The following PDIA5 variants were observed in gnomAD, a reference collection of about 807,000 sequenced individuals.
The protein encoded by PDIA5 is protein disulfide-isomerase A5.
In PDIA5, 58 loss-of-function variants were observed where a neutral mutation model predicts 77.6. The ratio of observed to expected loss-of-function variants is 0.75; its 90% CI spans 0.61 to 0.93. PDIA5 has a LOEUF of 0.93. Ranked by LOEUF, PDIA5 falls within the 40% of genes least tolerant of loss-of-function variation. The probability of loss-of-function intolerance (pLI) is 0.00; values close to 1 mark genes in which losing one functional copy is unlikely to be tolerated. For synonymous variants in PDIA5, 250 were observed against 252.1 expected, an observed-to-expected ratio of 0.99 and a Z score of 0.08; for missense variants, 630 against 647.7, an observed-to-expected ratio of 0.97 and a Z score of 0.30.
At position 123,146,270 on chromosome 3, in the gene PDIA5, C is replaced by G; in HGVS notation, c.1142+11C>G. On this transcript the variant is annotated intron_variant, in intron 13 of 16. Transcript: ENST00000316218. The stretch of plus-strand genomic sequence containing the variant: ...CGAGTGGATGCAAAAGTAAGTGTTA[C>G]GATCTCAGTAGCACATCCTAACTGC... 1 of 1,611,954 alleles carries G rather than the reference C, an allele frequency of 6.2e-7. No individual in the cohort carries two copies. The highest frequency in any genetic ancestry group is 1.1e-5 in the South Asian group (1 of 90,770).
At chr3:123,161,693 G>T in intron 16 of PDIA5, 187 bp from the exon 17 acceptor site, 1 of 655,678 alleles carries the variant, frequency 1.5e-6, no homozygotes, top group Non-Finnish European at 2.6e-6. Flanking sequence ...GATGCCGAGG[G>T]TTTTCTCACT....
chr3:123,089,029 G>A, intron 1 of PDIA5, 139 bp from the exon 2 acceptor site: 1 of 708,192 alleles, frequency 1.4e-6, no homozygotes, highest in Non-Finnish European at 2.3e-6. Context: ...TGAAGAAGTA[G>A]GTGTGGTGCA....
chr3:123,091,540 C>T lies in PDIA5; in HGVS notation c.170-815C>T, dbSNP rs553295845. On this transcript the variant is annotated intron_variant, in intron 2 of 16. Coordinates refer to ENST00000316218, the MANE Select transcript of PDIA5 (RefSeq NM_006810.4). ...CAGGCTGGCAGTGCTGAAATCCTGG[C>T]CACAGAGGCTCTGTCCCTAAGACCC... 3.3e-5 allele frequency among the ~76,000 whole-genome samples: 5 copies of T among 152,254 alleles called. No homozygotes were observed. The East Asian group carries it at 9.7e-4, about 29-fold the overall frequency.
intron 16 of PDIA5, 152 bp downstream of exon 16, chr3:123,161,607 G>A: frequency 1.2e-6 from 1 of 828,968 alleles, no homozygotes; most frequent in East Asian, 2.6e-5. Flanking sequence ...GGGCCTGGCT[G>A]AGGCTTGACA....
chr3:123,128,891 A>G (rs180752664), intron 10 of PDIA5, among the ~76,000 whole-genome samples: 2 of 152,324 alleles, frequency 1.3e-5, no homozygotes, highest in East Asian at 1.9e-4. Context: ...GTGAATAAGT[A>G]TATTTTATCT....
At chr3:123,123,359 G>A (rs1342216418) in intron 8 of PDIA5, among the ~76,000 whole-genome samples, 1 of 152,192 alleles carries the variant, frequency 6.6e-6, no homozygotes, top group Non-Finnish European at 1.5e-5. Context: ...GTGGACCCCT[G>A]GAGCCAGAAT....
At chr3:123,079,747 A>G (rs1414236865) in intron 1 of PDIA5, among the ~76,000 whole-genome samples, 2 of 152,182 alleles carry the variant, frequency 1.3e-5, no homozygotes, top group Non-Finnish European at 2.9e-5. Flanking sequence ...TGTGCCAGCT[A>G]CCTTTCCAAA....
At chr3:123,113,401 G>T (rs1934913375) in intron 7 of PDIA5, among the ~76,000 whole-genome samples, 1 of 152,180 alleles carries the variant, frequency 6.6e-6, no homozygotes, top group Non-Finnish European at 1.5e-5. Context: ...CGACAGAGAG[G>T]TGAGCACAGT....
Position 123,150,263 on chromosome 3 carries a change from C to G in PDIA5, c.1172C>G (p.Thr391Arg), listed in dbSNP as rs2292661. Residue 391 changes from threonine (T) to arginine (R), a missense_variant, in exon 14 of 17, where the codon ACG (threonine) becomes AGG (arginine). Coordinates refer to ENST00000316218, the MANE Select transcript of PDIA5 (RefSeq NM_006810.4). Reference protein sequence around the residue: ...NPEAPPPPEPTWEEQQTSVLH... With the variant: ...NPEAPPPPEPRWEEQQTSVLH... ...GAGGCCCCCCCGCCCCCAGAGCCCA[C>G]GTGGGAAGAGCAGCAGACAAGCGTG... 1.2e-6 allele frequency: 2 copies of G among 1,613,216 alleles called. No homozygotes were observed. The highest frequency in any genetic ancestry group is 2.2e-5 in the East Asian group (1 of 44,878).
chr3:123,145,638 A>T, intron 12 of PDIA5, 46 bp downstream of exon 12: 1 of 1,494,588 alleles, frequency 6.7e-7, no homozygotes, highest in Non-Finnish European at 9.3e-7. Context: ...TGAAAGAATC[A>T]CTGACAGGTG....
In PDIA5 at chr3:123,092,340, G is replaced by T; in HGVS notation, c.170-15G>T. The T allele has an allele frequency of 7.4e-7, 1 of 1,345,794 alleles. No individual in the cohort carries two copies. The highest frequency in any genetic ancestry group is 1.0e-6 in the Non-Finnish European group (1 of 974,908). 83.4% of individuals were successfully genotyped at this position (1,345,794 alleles called of 1,614,324 possible). A position where few individuals can be genotyped will look rare whatever the true frequency, so the allele number is the denominator to read the frequency against. On this transcript the variant is annotated splice_polypyrimidine_tract_variant and intron_variant, in intron 2 of 16. Coordinates refer to ENST00000316218, the MANE Select transcript of PDIA5 (RefSeq NM_006810.4). ...CTTGGTCACAGATGTTTAATTTTTT[G>T]TTTTTTTTTTACAGAGGTGGCAGCT...
chr3:123,077,585 A>C (rs912949177), intron 1 of PDIA5, among the ~76,000 whole-genome samples: 5 of 146,642 alleles, frequency 3.4e-5, no homozygotes, highest in South Asian at 4.3e-4. Flanking sequence ...CACACACACA[A>C]CAATATCACC....
chr3:123,112,435 G>A (rs891048811), intron 7 of PDIA5, among the ~76,000 whole-genome samples: 1 of 150,476 alleles, frequency 6.6e-6, no homozygotes, highest in Non-Finnish European at 1.5e-5. Flanking sequence ...TGGGGATGAC[G>A]CCCCCCAGCC....
At chr3:123,140,394 C>T (rs1935599333) in intron 11 of PDIA5, among the ~76,000 whole-genome samples, 1 of 152,166 alleles carries the variant, frequency 6.6e-6, no homozygotes, top group South Asian at 2.1e-4. Flanking sequence ...TATACCCCGG[C>T]TGCCCTTAAA....
At chr3:123,106,616 C>A in intron 5 of PDIA5, 133 bp from the exon 6 acceptor site, 1 of 672,264 alleles carries the variant, frequency 1.5e-6, no homozygotes, top group Non-Finnish European at 2.6e-6. Context: ...CAAGCTTATG[C>A]CACATGCAGT....
intron 15 of PDIA5, among the ~76,000 whole-genome samples, chr3:123,156,261 A>T (rs935928762): frequency 1.3e-5 from 2 of 152,128 alleles, no homozygotes; most frequent in African/African-American, 4.8e-5. Flanking sequence ...CCTGATTCTC[A>T]CTTAGACCCA....
intron 1 of PDIA5, among the ~76,000 whole-genome samples, chr3:123,077,195 G>A (rs945525369): frequency 1.3e-5 from 2 of 152,168 alleles, no homozygotes; most frequent in African/African-American, 4.8e-5. Flanking sequence ...CTTACTTGCT[G>A]TGTGACCTTC....
At chr3:123,148,756 T>G (rs1935821912) in intron 13 of PDIA5, among the ~76,000 whole-genome samples, 1 of 152,096 alleles carries the variant, frequency 6.6e-6, no homozygotes, top group African/African-American at 2.4e-5. Context: ...TGAAGAAACT[T>G]AGGTTCAGAG....
chr3:123,094,402 C>T (rs1454167167), intron 3 of PDIA5, among the ~76,000 whole-genome samples: 1 of 152,226 alleles, frequency 6.6e-6, no homozygotes, highest in East Asian at 1.9e-4. Flanking sequence ...GAACTCTGGG[C>T]TGTGGCCCAT....
Sources: gnomAD v4.1 joint callset for allele counts (sites outside exome capture counted in the v4.1 genomes callset) on GRCh38, gnomAD v4.1.1 for gene constraint, MANE v1.5 for transcripts, NCBI Gene and HGNC (gene_info 2026-07-23, HGNC 2026-07-21) for gene names.